Variants in FMC1 observed in about 807,000 individuals in gnomAD.
The protein encoded by FMC1 is protein FMC1 homolog.
In FMC1, 6 loss-of-function variants were observed where a neutral mutation model predicts 10.5. The ratio of observed to expected loss-of-function variants is 0.57; its 90% CI spans 0.31 to 1.12. The LOEUF is 1.12. FMC1 is among the 50% of genes most tolerant of loss of function. The pLI, the probability that FMC1 is intolerant of heterozygous loss-of-function variation, is 0.05. For synonymous variants in FMC1, 59 were observed against 62.1 expected (o/e 0.95, Z 0.24); for missense variants, 146 against 151.7 (o/e 0.96, Z 0.20).
At chr7:139,344,672 G>A (rs1477283452) in intron 1 of FMC1, among the ~76,000 whole-genome samples, 1 of 147,564 alleles carries the variant, frequency 6.8e-6, no homozygotes, top group Non-Finnish European at 1.5e-5. Flanking sequence ...TCATTTTTCA[G>A]ACAAAAGTTT....
chr7:139,343,780 C>A (rs1192120560), intron 1 of FMC1, among the ~76,000 whole-genome samples: 1 of 151,728 alleles, frequency 6.6e-6, no homozygotes, highest in Non-Finnish European at 1.5e-5. Context: ...ATAAAAAATA[C>A]AAAAATTAGC....
At chr7:139,341,320 C>T, upstream of FMC1, 1 of 1,551,758 alleles carries the variant, frequency 6.4e-7, no homozygotes. Flanking sequence ...GGCGCCTGGG[C>T]CGGAGGAGGG....
chr7:139,345,590 T>C lies in FMC1; in HGVS notation c.228T>C (p.His76=). 6.2e-7 allele frequency: 1 copy of C among 1,614,078 alleles called. No homozygotes were observed. The highest frequency in any genetic ancestry group is 8.5e-7 in the Non-Finnish European group (1 of 1,180,022). The change falls in exon 2 of 2, where the codon CAT becomes CAC. Residue 76 remains histidine (H), a synonymous_variant. Coordinates refer to ENST00000297534, the MANE Select transcript of FMC1 (RefSeq NM_197964.5). ...YLCLLRSIRK[H]VALHQEFHGK... ...GCCTCCTGCGTAGCATCCGGAAACA[T>C]GTGGCCCTACATCAGGAATTTCATG...
intron 1 of FMC1, 34 bp downstream of exon 1, chr7:139,341,556 T>C (rs773788281): frequency 2.5e-6 from 4 of 1,599,772 alleles, no homozygotes; most frequent in Non-Finnish European, 2.6e-6. Flanking sequence ...CTCTACGTGC[T>C]GGGGAGGGAG....
intron 1 of FMC1, among the ~76,000 whole-genome samples, chr7:139,343,204 A>G (rs966680896): frequency 6.6e-6 from 1 of 152,230 alleles, no homozygotes; most frequent in Non-Finnish European, 1.5e-5. Flanking sequence ...GGGCTTATAT[A>G]TTAATAGAAG....
chr7:139,345,055 A>C (rs1245094741), intron 1 of FMC1: 1 of 157,928 alleles, frequency 6.3e-6, no homozygotes, highest in East Asian at 1.9e-4. Context: ...ATGCCACATT[A>C]ATCAAAGTCA....
At chr7:139,344,518 C>G (rs1403207116) in intron 1 of FMC1, among the ~76,000 whole-genome samples, 1 of 151,738 alleles carries the variant, frequency 6.6e-6, no homozygotes, top group Non-Finnish European at 1.5e-5. Flanking sequence ...TTATTTTTTT[C>G]TGAGTATTTT....
rs1331254444 is a variant in FMC1 at position 139,345,708 on chromosome 7, T to C, written c.*4T>C. On this transcript the variant is annotated 3_prime_UTR_variant, in exon 2 of 2. Transcript: ENST00000297534. ...AGGGAAGGGCTGGGAGCCATGAACA[T>C]GGAGAATATCCTTGGATGCTGCATT... 6.2e-7 allele frequency: 1 copy of C among 1,613,678 alleles called. No individual in the cohort carries two copies. The highest frequency in any genetic ancestry group is 1.3e-5 in the African/African-American group (1 of 74,932).
chr7:139,340,506 G>A (rs1301006507), upstream of FMC1: 4 of 398,448 alleles, frequency 1.0e-5, no homozygotes, highest in East Asian at 1.1e-4. Context: ...GAGCATCGGT[G>A]CAGTTTCGAG....
chr7:139,345,805 C>T lies in FMC1; in HGVS notation c.*101C>T. The T allele has an allele frequency of 7.6e-7, 1 of 1,314,742 alleles. No individual in the cohort carries two copies. Among genetic ancestry groups the T allele is most frequent in the South Asian group, 1.7e-5 (1 of 59,590 alleles). The allele number at this position is 1,314,742 out of a possible 1,614,324, so 81.4% of individuals were successfully genotyped here. A position where few individuals can be genotyped will look rare whatever the true frequency, so the allele number is the denominator to read the frequency against. ...TTTTTTTTAAGTTTAAGGTTTTTCT[C>T]TGTAATTTTGTTTACTAGTTCTTAG... On this transcript the variant is annotated 3_prime_UTR_variant, in exon 2 of 2. Coordinates refer to ENST00000297534, the MANE Select transcript of FMC1 (RefSeq NM_197964.5).
At chr7:139,342,972 T>G (rs1015236690) in intron 1 of FMC1, among the ~76,000 whole-genome samples, 11 of 152,234 alleles carry the variant, frequency 7.2e-5, no homozygotes, top group Non-Finnish European at 1.6e-4. Context: ...TCTCTATCCT[T>G]TCCCTCCGGA....
At chr7:139,344,129 T>A (rs962299201) in intron 1 of FMC1, among the ~76,000 whole-genome samples, 1 of 151,968 alleles carries the variant, frequency 6.6e-6, no homozygotes, top group African/African-American at 2.4e-5. Context: ...TTAAGTATGA[T>A]GAAGAAAAAA....
Position 139,341,506 on chromosome 7 carries a change from C to T in FMC1, c.122C>T (p.Ala41Val), listed in dbSNP as rs980567869. The change falls in exon 1 of 2, where the codon GCT (alanine) becomes GTT (valine). Residue 41 changes from alanine to valine, a missense_variant. Ala to Val is a moderately conservative substitution (Grantham distance 64). Transcript: ENST00000297534. Reference sequence around the variant, plus strand: ...GCGGCCTATCGGTACCTTGTGAAGGCTTTCCGTGCACATCGGGTACGGGAG... The same window carrying T: ...GCGGCCTATCGGTACCTTGTGAAGGTTTTCCGTGCACATCGGGTACGGGAG... ...DTAAYRYLVK[A>V]FRAHRVTSEK... The T allele has an allele frequency of 3.1e-6, 5 of 1,613,302 alleles. No homozygotes were observed. The African/African-American group carries it at 5.3e-5, about 17-fold the overall frequency.
chr7:139,341,211 G>C (rs965634512), upstream of FMC1: 8 of 1,187,160 alleles, frequency 6.7e-6, no homozygotes, highest in East Asian at 8.0e-5. Flanking sequence ...CGGCGCCCCT[G>C]GGCCTTCGAT....
chr7:139,340,598 A>G (rs1423890718), upstream of FMC1: 4 of 397,202 alleles, frequency 1.0e-5, no homozygotes, highest in Admixed American at 1.3e-4. Flanking sequence ...CGTGGGCGCT[A>G]GGTGTGGTTT....
chr7:139,341,187 G>A (rs1270500560), upstream of FMC1: 8 of 938,104 alleles, frequency 8.5e-6, no homozygotes, highest in Admixed American at 9.7e-5. Flanking sequence ...GTCGGGTTTC[G>A]TTTGATTTTG....
intron 1 of FMC1, among the ~76,000 whole-genome samples, chr7:139,342,208 C>T (rs1012656811): frequency 1.3e-5 from 2 of 152,120 alleles, no homozygotes; most frequent in Admixed American, 6.5e-5. Flanking sequence ...AAGACACTTG[C>T]TGCCCACCTA....
At chr7:139,344,703 T>C (rs1018247029) in intron 1 of FMC1, among the ~76,000 whole-genome samples, 23 of 144,068 alleles carry the variant, frequency 1.6e-4, no homozygotes, top group South Asian at 6.9e-4. Context: ...TTCTTTTTTT[T>C]TTTTTTTTTT....
Position 139,341,490 on chromosome 7 carries a change from C to T in FMC1, c.106C>T (p.Arg36Trp), listed in dbSNP as rs544455569. 4 of 1,613,778 alleles carry T rather than the reference C, an allele frequency of 2.5e-6. No individual in the cohort carries two copies. The highest frequency in any genetic ancestry group is 3.4e-6 in the Non-Finnish European group (4 of 1,179,972). ...GRPYRDTAAY[R>W]YLVKAFRAHR... ...ACCCTATCGCGACACCGCGGCCTAT[C>T]GGTACCTTGTGAAGGCTTTCCGTGC... Residue 36 changes from arginine (R) to tryptophan (W), a missense_variant, in exon 1 of 2, where the codon CGG (arginine) becomes TGG (tryptophan). Transcript: ENST00000297534.
Sources: gnomAD v4.1 joint callset for allele counts (sites outside exome capture counted in the v4.1 genomes callset) on GRCh38, gnomAD v4.1.1 for gene constraint, MANE v1.5 for transcripts, NCBI Gene and HGNC (gene_info 2026-07-23, HGNC 2026-07-21) for gene names.